SPAST: variants seen among roughly 807,000 people sequenced by gnomAD.
The protein encoded by SPAST is spastin, also known as spastic paraplegia 4 (autosomal dominant; spastin).
A neutral mutation model predicts 76.6 loss-of-function variants in SPAST; 30 were observed. The observed-to-expected ratio is 0.39, with a 90% confidence interval of 0.29 to 0.53. The LOEUF is 0.53. Among genes scored for constraint, SPAST ranks in the 20% least tolerant of loss-of-function variants. SPAST has a pLI of 0.68. For synonymous variants in SPAST, 305 were observed against 281.0 expected (o/e 1.09, Z -0.86); for missense variants, 717 against 770.5 (o/e 0.93, Z 0.82).
At chr2:32,069,643 G>A (rs1410828778) in intron 1 of SPAST, among the ~76,000 whole-genome samples, 3 of 148,056 alleles carry the variant, frequency 2.0e-5, no homozygotes, top group Non-Finnish European at 3.0e-5. Flanking sequence ...TGCAAGCCCC[G>A]CCTCCCACGT....
At chr2:32,153,148 A>C (rs1277269926) in intron 16 of SPAST, among the ~76,000 whole-genome samples, 1 of 152,094 alleles carries the variant, frequency 6.6e-6, no homozygotes, top group African/African-American at 2.4e-5. Context: ...ATCAAAGATG[A>C]TATGAAGTTA....
At chr2:32,124,587 C>T (rs541620864) in intron 7 of SPAST, among the ~76,000 whole-genome samples, 1 of 152,260 alleles carries the variant, frequency 6.6e-6, no homozygotes, top group African/African-American at 2.4e-5. Context: ...AAAAAAACTG[C>T]ACATGAATAT....
intron 16 of SPAST, among the ~76,000 whole-genome samples, chr2:32,152,008 G>C (rs898345012): frequency 2.6e-5 from 4 of 151,830 alleles, no homozygotes; most frequent in Non-Finnish European, 4.4e-5. Flanking sequence ...TTTAAGGTTA[G>C]TACTAAAATT....
chr2:32,079,441 G>T (rs1055133150), intron 1 of SPAST, among the ~76,000 whole-genome samples: 11 of 151,856 alleles, frequency 7.2e-5, no homozygotes, highest in Non-Finnish European at 1.5e-4. Context: ...AGCCTAGGAG[G>T]CGGAGGTTGC....
chr2:32,122,458 A>AT (rs1272326331), intron 7 of SPAST, among the ~76,000 whole-genome samples: 1 of 152,108 alleles, frequency 6.6e-6, no homozygotes, highest in Non-Finnish European at 1.5e-5. Context: ...AGTAGCTGGG[A>AT]TTATAGGCAT....
intron 3 of SPAST, among the ~76,000 whole-genome samples, chr2:32,090,548 C>A (rs2148711227): frequency 6.6e-6 from 1 of 152,196 alleles, no homozygotes; most frequent in Admixed American, 6.5e-5. Context: ...AAACTGACCC[C>A]CCCAAAATGC....
chr2:32,079,097 T>A (rs1677092537), intron 1 of SPAST, among the ~76,000 whole-genome samples: 2 of 151,942 alleles, frequency 1.3e-5, no homozygotes. Flanking sequence ...CACCTCAGCC[T>A]CCCGAAGTGT....
At position 32,063,792 on chromosome 2, in the gene SPAST, G is replaced by T; in HGVS notation, c.-40G>T. 6.5e-7 allele frequency: 1 copy of T among 1,549,690 alleles called. No homozygotes were observed. Among genetic ancestry groups the T allele is most frequent in the South Asian group, 1.2e-5 (1 of 85,122 alleles). ...CGTCGCTTGGTTCCCGTCGGTCTGC[G>T]GGAGGCGGGTTATGGCGGCGGCGGC... On this transcript the variant is annotated 5_prime_UTR_variant, in exon 1 of 17. Coordinates refer to ENST00000315285, the MANE Select transcript of SPAST (RefSeq NM_014946.4).
In SPAST at chr2:32,121,732, C is replaced by T. The variant is rs575519051; in HGVS notation, c.1099-5216C>T. On this transcript the variant is annotated intron_variant, in intron 7 of 16. Coordinates refer to ENST00000315285, the MANE Select transcript of SPAST (RefSeq NM_014946.4). The stretch of plus-strand genomic sequence containing the variant: ...CTAATTGTTGTATTTTTAGTAGAGA[C>T]GGAGTTTCACCATGTTGGCCAGGCT... Among the ~76,000 whole-genome samples the T allele has an allele frequency of 6.6e-5, 10 of 151,472 alleles. No individual in the cohort carries two copies. In the East Asian group the frequency reaches 9.9e-4, roughly 15 times the overall value.
intron 4 of SPAST, among the ~76,000 whole-genome samples, chr2:32,114,341 G>A (rs559553557): frequency 6.6e-6 from 1 of 152,128 alleles, no homozygotes; most frequent in Non-Finnish European, 1.5e-5. Context: ...TTGAGCCCAG[G>A]AAGATTAAGG....
At chr2:32,064,304 C>T (rs1676421494) in intron 1 of SPAST, 58 bp downstream of exon 1, 3 of 362,240 alleles carry the variant, frequency 8.3e-6, no homozygotes, top group Non-Finnish European at 1.5e-5. Flanking sequence ...GTGGGGTCGC[C>T]GGGGGAGGGC....
rs145130114 is a variant in SPAST, at chr2:32,074,734, G to A, written c.415+10488G>A. On this transcript the variant is annotated intron_variant, in intron 1 of 16. Transcript: ENST00000315285. ...GTTGAGCAGGCTGGTCTCGAACTCCGGACCTCAAGCAATCCATCTGCCTCA... is the reference window on the plus strand; with the variant it reads ...GTTGAGCAGGCTGGTCTCGAACTCCAGACCTCAAGCAATCCATCTGCCTCA... Among the ~76,000 whole-genome samples, 1,417 of 151,804 alleles carry A rather than the reference G, an allele frequency of 9.3e-3. 20 individuals carry two copies. Among genetic ancestry groups the A allele is most frequent in the African/African-American group, 0.032 (1,345 of 41,424 alleles).
intron 5 of SPAST, among the ~76,000 whole-genome samples, chr2:32,115,175 C>T (rs1051005489): frequency 8.6e-5 from 13 of 151,958 alleles, no homozygotes; most frequent in African/African-American, 1.4e-4. Flanking sequence ...CTCAAACTCC[C>T]GACCTCAGGT....
chr2:32,139,464 C>A (rs1438269450), intron 12 of SPAST, among the ~76,000 whole-genome samples: 1 of 152,164 alleles, frequency 6.6e-6, no homozygotes, highest in East Asian at 1.9e-4. Flanking sequence ...AGTACCATTT[C>A]TATACGCTAA....
rs149678085 is a variant in SPAST, at chr2:32,099,687, C to T, written c.682+796C>T. The stretch of plus-strand genomic sequence containing the variant: ...GTTGGAAACATTCAGTATTTTCCTT[C>T]TAGCATTTGAAATGATATAATATAT... On this transcript the variant is annotated intron_variant, in intron 4 of 16. Coordinates refer to ENST00000315285, the MANE Select transcript of SPAST (RefSeq NM_014946.4). Among the ~76,000 whole-genome samples, 976 of 152,120 alleles carry T rather than the reference C, an allele frequency of 6.4e-3. 14 individuals carry two copies. Among genetic ancestry groups the T allele is most frequent in the African/African-American group, 0.023 (943 of 41,510 alleles).
chr2:32,153,074 T>C (rs550350758), intron 16 of SPAST, among the ~76,000 whole-genome samples: 139 of 152,166 alleles, frequency 9.1e-4, no homozygotes, highest in African/African-American at 3.2e-3. Flanking sequence ...TGTTTTTTTC[T>C]TTTTGGCTAA....
At chr2:32,087,354 A>G (rs1430641683) in intron 1 of SPAST, 138 bp from the exon 2 acceptor site, 2 of 519,804 alleles carry the variant, frequency 3.8e-6, no homozygotes. Flanking sequence ...CAATGATAAA[A>G]ATACTAAGAA....
At chr2:32,103,452 G>T (rs932311461) in intron 4 of SPAST, among the ~76,000 whole-genome samples, 3 of 151,922 alleles carry the variant, frequency 2.0e-5, no homozygotes, top group African/African-American at 7.3e-5. Context: ...AAGGTTTTTT[G>T]TGTCTCTATC....
chr2:32,070,864 G>T (rs933949485), intron 1 of SPAST, among the ~76,000 whole-genome samples: 6 of 152,122 alleles, frequency 3.9e-5, no homozygotes, highest in Non-Finnish European at 7.3e-5. Flanking sequence ...TTTAATTGTT[G>T]AACTTTCTTG....
Sources: gnomAD v4.1 joint callset for allele counts (sites outside exome capture counted in the v4.1 genomes callset) on GRCh38, gnomAD v4.1.1 for gene constraint, MANE v1.5 for transcripts, NCBI Gene and HGNC (gene_info 2026-07-23, HGNC 2026-07-21) for gene names.